Variants in ARRB1 observed in about 807,000 individuals in gnomAD.
ARRB1 encodes beta-arrestin-1.
In ARRB1, 21 loss-of-function variants were observed where a neutral mutation model predicts 56.8. The observed-to-expected ratio is 0.37, with a 90% CI of 0.26 to 0.53. ARRB1 has a LOEUF of 0.53. ARRB1 is among the 20% of genes least tolerant of loss of function. ARRB1 has a pLI of 0.88. For synonymous variants in ARRB1, 210 were observed against 218.6 expected (o/e 0.96, Z 0.35); for missense variants, 424 against 553.7 (o/e 0.77, Z 2.35).
intron 1 of ARRB1, among the ~76,000 whole-genome samples, chr11:75,323,016 T>TAA (rs1317289711): frequency 1.3e-5 from 2 of 152,204 alleles, no homozygotes; most frequent in African/African-American, 4.8e-5. Flanking sequence ...GCTGATATTA[T>TAA]TCATCTGGGT....
rs563691700 is a variant in ARRB1, at chr11:75,318,201, C to G, written c.21-28162G>C. ...AGAGAGAGAGAGATTGGATCTCACT[C>G]TGTTGCCTCAGCTGGAGTACAGCAC... On this transcript the variant is annotated intron_variant, in intron 1 of 15. Transcript: ENST00000420843. Among the ~76,000 whole-genome samples the G allele has an allele frequency of 3.0e-3, 382 of 125,264 alleles. 2 individuals are homozygous for G. The highest frequency in any genetic ancestry group is 0.011 in the African/African-American group (359 of 32,520). 82.2% of individuals were successfully genotyped at this position (125,264 alleles called of 152,430 possible).
At position 75,283,566 on chromosome 11, in the gene ARRB1, G is replaced by A. The variant is rs527829297; in HGVS notation, c.158-83C>T. 2.6e-5 allele frequency: 35 copies of A among 1,363,356 alleles called. No individual in the cohort carries two copies. The South Asian group carries it at 3.9e-4, about 15-fold the overall frequency. The allele number at this position is 1,363,356 out of a possible 1,614,324, so 84.5% of individuals were successfully genotyped here. On this transcript the variant is annotated intron_variant, in intron 4 of 15. Coordinates refer to ENST00000420843, the MANE Select transcript of ARRB1 (RefSeq NM_004041.5). ...AGAGTGCCGGCAGCAGCCCTGGGAC[G>A]GGCCCCACTGGAGGCCCCAAGCCTG...
At chr11:75,287,230 C>A in intron 3 of ARRB1, 85 bp downstream of exon 3, 1 of 1,392,124 alleles carries the variant, frequency 7.2e-7, no homozygotes, top group South Asian at 1.4e-5. Context: ...GGCACCGGGC[C>A]CCTCTGGAGA....
At chr11:75,337,786 CTTTTTTTTTTTTTTTT>C (rs71036046) in intron 1 of ARRB1, among the ~76,000 whole-genome samples, 8 of 38,490 alleles carry the variant, frequency 2.1e-4, no homozygotes, top group South Asian at 1.6e-3. Context: ...ATTGAAATGT[CTTTTTTTTTTTTTTTT>C]TTTTTTTTTT....
At chr11:75,279,457 C>T (rs1034870003) in intron 7 of ARRB1, among the ~76,000 whole-genome samples, 2 of 152,056 alleles carry the variant, frequency 1.3e-5, no homozygotes, top group Non-Finnish European at 2.9e-5. Flanking sequence ...CTTGGTGAGG[C>T]CGTCTCTGTG....
At chr11:75,317,119 C>T (rs1947278361) in intron 1 of ARRB1, among the ~76,000 whole-genome samples, 1 of 152,140 alleles carries the variant, frequency 6.6e-6, no homozygotes, top group Non-Finnish European at 1.5e-5. Flanking sequence ...CTAAGGTTCC[C>T]AGAGGTAAAA....
chr11:75,290,730 C>T (rs1018874333), intron 1 of ARRB1, among the ~76,000 whole-genome samples: 11 of 152,158 alleles, frequency 7.2e-5, no homozygotes, highest in South Asian at 4.2e-4. Context: ...CACAGGCACA[C>T]GCCACCACCC....
At chr11:75,298,428 T>A (rs1480128508) in intron 1 of ARRB1, among the ~76,000 whole-genome samples, 2 of 152,174 alleles carry the variant, frequency 1.3e-5, no homozygotes, top group African/African-American at 4.8e-5. Flanking sequence ...GATATTCAAG[T>A]GGCCACTAAA....
rs1223706139 is a variant in ARRB1, at chr11:75,261,836, G to A, written c.*4327C>T. On this transcript the variant is annotated 3_prime_UTR_variant, in exon 16 of 16. Transcript: ENST00000420843. ...TAGATGAGGGTTCAGGAGTGTTTTG[G>A]TCCTTTTGAGTTTAAAAAATTATAG... The A allele has an allele frequency of 6.6e-6, 1 of 152,208 alleles. No homozygotes were observed. Among genetic ancestry groups the A allele is most frequent in the Non-Finnish European group, 1.5e-5 (1 of 68,060 alleles). The allele number at this position is 152,208 out of a possible 1,614,324, so 9.4% of individuals were successfully genotyped here. A position where few individuals can be genotyped will look rare whatever the true frequency, so the allele number is the denominator to read the frequency against.
intron 1 of ARRB1, among the ~76,000 whole-genome samples, chr11:75,347,609 C>T (rs1466018646): frequency 2.0e-5 from 3 of 152,222 alleles, no homozygotes; most frequent in African/African-American, 4.8e-5. Flanking sequence ...AAGGCCCCCT[C>T]TCTTGGGCAA....
intron 1 of ARRB1, among the ~76,000 whole-genome samples, chr11:75,298,963 C>A (rs541834416): frequency 1.5e-4 from 22 of 150,924 alleles, no homozygotes; most frequent in Middle Eastern, 3.5e-3. Flanking sequence ...TAACATAATT[C>A]TGTTAACAGA....
intron 1 of ARRB1, among the ~76,000 whole-genome samples, chr11:75,334,249 G>A (rs917462764): frequency 2.1e-5 from 3 of 144,398 alleles, no homozygotes; most frequent in Non-Finnish European, 4.5e-5. Context: ...TTGAACCCGG[G>A]CTGAGATAGC....
chr11:75,326,142 G>A (rs140999849), intron 1 of ARRB1, among the ~76,000 whole-genome samples: 112 of 152,296 alleles, frequency 7.4e-4, no homozygotes, highest in African/African-American at 2.6e-3. Context: ...GGCAGCTCTG[G>A]AGAAGCAGGA....
chr11:75,306,194 C>A (rs1947023895), intron 1 of ARRB1, among the ~76,000 whole-genome samples: 1 of 152,176 alleles, frequency 6.6e-6, no homozygotes, highest in Non-Finnish European at 1.5e-5. Flanking sequence ...CTGACCTTGG[C>A]CCCTTCCCAG....
At chr11:75,338,786 T>C (rs993151795) in intron 1 of ARRB1, among the ~76,000 whole-genome samples, 3 of 152,066 alleles carry the variant, frequency 2.0e-5, no homozygotes, top group African/African-American at 7.2e-5. Context: ...TTTTAGAATG[T>C]CAAAAAAATC....
chr11:75,276,894 T>C lies in ARRB1; in HGVS notation c.721A>G (p.Ile241Val), dbSNP rs1946211975. ...TACTGAGCTGTGTTGAAAAGGCAGA[T>C]GTCTGCATACTGGCGCACTAGGGAG... The part of the protein sequence containing the change: ...IKISVRQYAD[I>V]CLFNTAQYKC... The change falls in exon 10 of 16, where the codon ATC becomes GTC. Residue 241 changes from isoleucine to valine, a missense_variant. Ile to Val is a conservative substitution (Grantham distance 29). Coordinates refer to ENST00000420843, the MANE Select transcript of ARRB1 (RefSeq NM_004041.5). 1.2e-6 allele frequency: 2 copies of C among 1,614,210 alleles called. No homozygotes were observed. The highest frequency in any genetic ancestry group is 1.7e-6 in the Non-Finnish European group (2 of 1,180,012).
intron 11 of ARRB1, among the ~76,000 whole-genome samples, chr11:75,273,568 A>G (rs1174170071): frequency 6.6e-6 from 1 of 152,168 alleles, no homozygotes; most frequent in Non-Finnish European, 1.5e-5. Context: ...GAAGGACCAC[A>G]CTGGCAAGAG....
chr11:75,316,232 C>T (rs549923833), intron 1 of ARRB1, among the ~76,000 whole-genome samples: 102 of 151,562 alleles, frequency 6.7e-4, no homozygotes, highest in Non-Finnish European at 8.1e-4. Context: ...GAGGCTGAGG[C>T]GGGAGAATTG....
intron 5 of ARRB1, 155 bp from the exon 6 acceptor site, chr11:75,282,176 C>A: frequency 1.5e-6 from 1 of 677,272 alleles, no homozygotes; most frequent in Non-Finnish European, 2.5e-6. Flanking sequence ...CATGCCCCAT[C>A]TAAAACTCTT....
Sources: gnomAD v4.1 joint callset for allele counts (sites outside exome capture counted in the v4.1 genomes callset) on GRCh38, gnomAD v4.1.1 for gene constraint, MANE v1.5 for transcripts, NCBI Gene and HGNC (gene_info 2026-07-23, HGNC 2026-07-21) for gene names.